RASGRP2: variants seen among roughly 807,000 people sequenced by gnomAD.
RASGRP2 encodes RAS guanyl-releasing protein 2.
Under a neutral mutation model 71.0 loss-of-function variants are expected in RASGRP2, and 44 were observed. The observed-to-expected ratio is 0.62, with a 90% CI of 0.49 to 0.80. The LOEUF (loss-of-function observed/expected upper bound fraction) is 0.80. Ranked by LOEUF, RASGRP2 falls within the 30% of genes least tolerant of loss-of-function variation. The pLI, the probability that RASGRP2 is intolerant of heterozygous loss-of-function variation, is 0.00. For synonymous variants in RASGRP2, 350 were observed against 330.7 expected (o/e 1.06, Z -0.63); for missense variants, 663 against 813.4 (o/e 0.82, Z 2.25).
chr11:64,742,891 G>A lies in RASGRP2; in HGVS notation c.-25C>T. 3 of 1,567,162 alleles carry A rather than the reference G, an allele frequency of 1.9e-6. No homozygotes were observed. In the Admixed American group the frequency reaches 5.5e-5, roughly 29 times the overall value. ...TGGCCGCCGGCGCGGGGTGGGCTGGGCCCAGGCTGCGCTCCGGGAGCCTCC... is the reference window on the plus strand; with the variant it reads ...TGGCCGCCGGCGCGGGGTGGGCTGGACCCAGGCTGCGCTCCGGGAGCCTCC... On this transcript the variant is annotated 5_prime_UTR_variant, in exon 2 of 17. Transcript: ENST00000394432. The surrounding 1 kb of genome is among the most constrained non-coding windows in gnomAD (Gnocchi z 4.7).
Position 64,743,275 on chromosome 11 carries a change from C to A in RASGRP2, c.-71-338G>T. ...CTCTCCCCAGAGGCACCTGCAGCAC[C>A]CCGCAGCTCGGCTCTGCGCCCCTCC... On this transcript the variant is annotated intron_variant, in intron 1 of 16. Coordinates refer to ENST00000394432, the MANE Select transcript of RASGRP2 (RefSeq NM_001098671.2). This position sits in a 1 kb window ranked among gnomAD's most constrained non-coding sequence, Gnocchi z 4.9. 2.1e-6 allele frequency: 1 copy of A among 475,180 alleles called. No homozygotes were observed. The highest frequency in any genetic ancestry group is 2.3e-5 in the Admixed American group (1 of 42,932). The allele number at this position is 475,180 out of a possible 1,614,324, so 29.4% of individuals were successfully genotyped here.
chr11:64,737,992 T>C (rs1019431406), intron 8 of RASGRP2, among the ~76,000 whole-genome samples: 1 of 150,708 alleles, frequency 6.6e-6, no homozygotes, highest in African/African-American at 2.4e-5. Flanking sequence ...GTTGCAGTGA[T>C]GAGATCTCGC....
Position 64,739,120 on chromosome 11 carries a change from C to T in RASGRP2, c.813+240G>A, listed in dbSNP as rs764764727. ...CACCACTGAACTCCAGTCTGGACAA[C>T]AGAGAGAGAGACCCTGTCTTAAAAA... On this transcript the variant is annotated intron_variant, in intron 8 of 16. Transcript: ENST00000394432. This position sits in a 1 kb window ranked among gnomAD's most constrained non-coding sequence, Gnocchi z 4.2. 9.4e-5 allele frequency among the ~76,000 whole-genome samples: 14 copies of T among 148,680 alleles called. No homozygotes were observed. Among genetic ancestry groups the T allele is most frequent in the Admixed American group, 5.4e-4 (8 of 14,864 alleles).
Position 64,742,772 on chromosome 11 carries a change from T to A in RASGRP2, c.73+22A>T. 1 of 1,593,012 alleles carries A rather than the reference T, an allele frequency of 6.3e-7. No homozygotes were observed. Among genetic ancestry groups the A allele is most frequent in the Non-Finnish European group, 8.5e-7 (1 of 1,171,218 alleles). ...GACTCGGGGCTAGGCTCAGGCTCCG[T>A]GTGCCCTCCCGAGCCACTCACCGAA... On this transcript the variant is annotated intron_variant, in intron 2 of 16. Transcript: ENST00000394432. The surrounding 1 kb of genome is among the most constrained non-coding windows in gnomAD (Gnocchi z 4.7).
chr11:64,735,748 G>C lies in RASGRP2; in HGVS notation c.1174-84C>G. 2.0e-6 allele frequency: 3 copies of C among 1,535,984 alleles called. No homozygotes were observed. The East Asian group carries it at 7.1e-5, about 36-fold the overall frequency. On this transcript the variant is annotated intron_variant, in intron 10 of 16. Transcript: ENST00000394432. This position sits in a 1 kb window ranked among gnomAD's most constrained non-coding sequence, Gnocchi z 4.2. ...GGAACAGAGAGGGGAATCCCTGGGA[G>C]AGGGAAGTCTGCCCAACACTACTGC...
Position 64,743,079 on chromosome 11 carries a change from G to T in RASGRP2, c.-71-142C>A. The T allele has an allele frequency of 3.2e-6, 3 of 946,058 alleles. 1 individual carries two copies. The South Asian group carries it at 4.2e-5, about 13-fold the overall frequency. 58.6% of individuals were successfully genotyped at this position (946,058 alleles called of 1,614,324 possible). ...CCGCGGCCACTCCCGGGGTTAAACGGTCTGGCCCGGGATGGTGCAACCCGC... is the reference window on the plus strand; with the variant it reads ...CCGCGGCCACTCCCGGGGTTAAACGTTCTGGCCCGGGATGGTGCAACCCGC... On this transcript the variant is annotated intron_variant, in intron 1 of 16. Coordinates refer to ENST00000394432, the MANE Select transcript of RASGRP2 (RefSeq NM_001098671.2). This position sits in a 1 kb window ranked among gnomAD's most constrained non-coding sequence, Gnocchi z 4.9.
rs1399103950 is a variant in RASGRP2, at chr11:64,744,120, C to T, written c.-189G>A. On this transcript the variant is annotated 5_prime_UTR_variant, in exon 1 of 17. The change creates a new upstream start codon in the 5' untranslated region. Transcript: ENST00000394432. ...CCACACAGGCGCTGACATCCTCACA[C>T]GTGTGCACACACGCAAGGCAGTGCC... 2 of 987,574 alleles carry T rather than the reference C, an allele frequency of 2.0e-6. No individual in the cohort carries two copies. Among genetic ancestry groups the T allele is most frequent in the East Asian group, 1.1e-4 (1 of 8,820 alleles). 61.2% of individuals were successfully genotyped at this position (987,574 alleles called of 1,614,324 possible). A position where few individuals can be genotyped will look rare whatever the true frequency, so the allele number is the denominator to read the frequency against.
At chr11:64,728,121 T>C (rs917238747) in intron 15 of RASGRP2, among the ~76,000 whole-genome samples, 3 of 152,184 alleles carry the variant, frequency 2.0e-5, no homozygotes, top group Non-Finnish European at 2.9e-5. Flanking sequence ...TTTGGCCAGT[T>C]GTCATTCAGC....
chr11:64,739,587 G>T lies in RASGRP2; in HGVS notation c.696+49C>A. ...GTTAGGGGAAGGGAAGGGTTGGCCT[G>T]ACTGGCATGTGGGGTGGTTGGGAGA... On this transcript the variant is annotated intron_variant, in intron 7 of 16. Transcript: ENST00000394432. This position sits in a 1 kb window ranked among gnomAD's most constrained non-coding sequence, Gnocchi z 4.2. The T allele has an allele frequency of 6.2e-7, 1 of 1,612,738 alleles. No individual in the cohort carries two copies. Among genetic ancestry groups the T allele is most frequent in the South Asian group, 1.1e-5 (1 of 91,008 alleles).
chr11:64,734,021 A>G (rs947613760), intron 12 of RASGRP2, among the ~76,000 whole-genome samples: 13 of 151,806 alleles, frequency 8.6e-5, no homozygotes, highest in African/African-American at 3.1e-4. Context: ...CCCAAAAAAA[A>G]TTTTTTTAGG....
chr11:64,743,133 T>C lies in RASGRP2; in HGVS notation c.-71-196A>G, dbSNP rs912795698. ...TTGGGAAACGGACCCGCAGAGAGGC[T>C]TCCGGCCCACCCTCGGAGTCGCGGG... On this transcript the variant is annotated intron_variant, in intron 1 of 16. Transcript: ENST00000394432. The surrounding 1 kb of genome is among the most constrained non-coding windows in gnomAD (Gnocchi z 4.9). 1.5e-6 allele frequency: 1 copy of C among 673,242 alleles called. No individual in the cohort carries two copies. Among genetic ancestry groups the C allele is most frequent in the Non-Finnish European group, 2.7e-6 (1 of 371,878 alleles). 41.7% of individuals were successfully genotyped at this position (673,242 alleles called of 1,614,324 possible).
In RASGRP2 at chr11:64,740,106, C is replaced by G. The variant is rs752140782; in HGVS notation, c.429G>C (p.Lys143Asn). The change falls in exon 6 of 17, where the codon AAG (lysine) becomes AAC (asparagine). Residue 143 changes from lysine to asparagine, a missense_variant. Physicochemically the swap from Lys to Asn is moderately conservative, Grantham distance 94. Transcript: ENST00000394432. ...VTQRNPVGQK[K>N]RKMSLLFDHL... ...GGTCAAACAACAGGGACATCTTGCGCTTTTTCTGTCCCACAGGGTTCCGCT... is the reference window on the plus strand; with the variant it reads ...GGTCAAACAACAGGGACATCTTGCGGTTTTTCTGTCCCACAGGGTTCCGCT... The G allele has an allele frequency of 7.4e-6, 12 of 1,614,034 alleles. No individual in the cohort carries two copies. The South Asian group carries it at 9.9e-5, about 13-fold the overall frequency.
In RASGRP2 at chr11:64,735,872, G is replaced by A. The variant is rs201843748; in HGVS notation, c.1173+31C>T. ...ATCCTGGGATTCTCAGGAGGGAAGG[G>A]CAGAGTGGAGAGGAGGGAGTACCCC... On this transcript the variant is annotated intron_variant, in intron 10 of 16. Transcript: ENST00000394432. The surrounding 1 kb of genome is among the most constrained non-coding windows in gnomAD (Gnocchi z 4.2). The A allele has an allele frequency of 1.0e-5, 16 of 1,599,576 alleles. No individual in the cohort carries two copies. The highest frequency in any genetic ancestry group is 1.7e-4 in the Middle Eastern group (1 of 5,986).
chr11:64,743,707 CTG>C lies in RASGRP2; in HGVS notation c.-72+294_-72+295del, dbSNP rs2058219586. On this transcript the variant is annotated intron_variant, in intron 1 of 16. Transcript: ENST00000394432. This position sits in a 1 kb window ranked among gnomAD's most constrained non-coding sequence, Gnocchi z 4.9. ...CTGGCCCCGGCCCCGCACAGGCGAACTGTGAGCGCGCACGGAGCAGGGTGTCC... is the reference window on the plus strand; with the variant it reads ...CTGGCCCCGGCCCCGCACAGGCGAACTGAGCGCGCACGGAGCAGGGTGTCC... 2.7e-6 allele frequency: 1 copy of C among 369,638 alleles called. No individual in the cohort carries two copies. The highest frequency in any genetic ancestry group is 5.2e-6 in the Non-Finnish European group (1 of 191,622). The allele number at this position is 369,638 out of a possible 1,614,324, so 22.9% of individuals were successfully genotyped here.
intron 14 of RASGRP2, 76 bp downstream of exon 14, chr11:64,729,686 A>G: frequency 6.4e-7 from 1 of 1,561,310 alleles, no homozygotes; most frequent in Non-Finnish European, 8.8e-7. Context: ...TGCCCCACCA[A>G]AACAGTAACT....
chr11:64,730,261 C>T (rs75754486), intron 12 of RASGRP2, 67 bp from the exon 13 acceptor site: 17 of 1,542,998 alleles, frequency 1.1e-5, no homozygotes, highest in Non-Finnish European at 1.5e-5. Context: ...TGGCCTAACC[C>T]ATCCCACTGT....
At chr11:64,729,741 C>T (rs1488082690) in intron 14 of RASGRP2, 21 bp downstream of exon 14, 3 of 1,613,762 alleles carry the variant, frequency 1.9e-6, no homozygotes, top group Non-Finnish European at 2.5e-6. Flanking sequence ...CCCAGCAGCC[C>T]TTCCAGTCAT....
chr11:64,741,693 G>T (rs2058129409), intron 3 of RASGRP2, among the ~76,000 whole-genome samples, 192 bp from the exon 4 acceptor site: 1 of 152,156 alleles, frequency 6.6e-6, no homozygotes, highest in Admixed American at 6.5e-5. Context: ...GCTGAGGGAG[G>T]CTGAAAGCAA....
intron 8 of RASGRP2, among the ~76,000 whole-genome samples, chr11:64,738,905 T>G (rs1202586216): frequency 6.6e-6 from 1 of 151,564 alleles, no homozygotes; most frequent in African/African-American, 2.4e-5. Flanking sequence ...GGCGGATCAC[T>G]TGAGCCCAGG....
Sources: gnomAD v4.1 joint callset for allele counts (sites outside exome capture counted in the v4.1 genomes callset) on GRCh38, gnomAD v4.1.1 for gene constraint, Gnocchi (gnomAD v3.1) non-coding constraint, MANE v1.5 for transcripts, NCBI Gene and HGNC (gene_info 2026-07-23, HGNC 2026-07-21) for gene names.